The following CDC42BPB variants were observed in gnomAD, a reference collection of about 807,000 sequenced individuals.
CDC42BPB encodes serine/threonine-protein kinase MRCK beta.
Under a neutral mutation model 214.9 loss-of-function variants are expected in CDC42BPB, and 37 were observed. The ratio of observed to expected loss-of-function variants is 0.17; its 90% CI spans 0.13 to 0.23. The LOEUF is 0.23. CDC42BPB is among the 10% of genes least tolerant of loss of function. The probability of loss-of-function intolerance (pLI) is 1.00; values close to 1 mark genes in which losing one functional copy is unlikely to be tolerated. For synonymous variants in CDC42BPB, 931 were observed against 884.0 expected (o/e 1.05, Z -0.94); for missense variants, 1,694 against 2,227.0 (o/e 0.76, Z 4.82).
Position 102,986,600 on chromosome 14 carries a change from A to T in CDC42BPB, c.597-20T>A. 1 of 1,610,368 alleles carries T rather than the reference A, an allele frequency of 6.2e-7. No individual in the cohort carries two copies. The highest frequency in any genetic ancestry group is 2.2e-5 in the East Asian group (1 of 44,850). ...ATGTCTCTGTTTGTAAAATAAACAC[A>T]CAAATTAACCATCTCCATGCAACAC... On this transcript the variant is annotated intron_variant, in intron 5 of 36. Transcript: ENST00000361246.
intron 36 of CDC42BPB, among the ~76,000 whole-genome samples, chr14:102,935,550 G>C (rs145839161): frequency 7.2e-5 from 11 of 152,278 alleles, no homozygotes; most frequent in Non-Finnish European, 8.8e-5. Flanking sequence ...AGCACTTTGG[G>C]AGGCCAAGGC....
At chr14:102,964,808 A>T in intron 18 of CDC42BPB, 158 bp from the exon 19 acceptor site, 1 of 976,892 alleles carries the variant, frequency 1.0e-6, no homozygotes, top group South Asian at 4.7e-5. Flanking sequence ...TTTAGTTTTG[A>T]TATTTTATGA....
rs747092497 is a variant in CDC42BPB at position 102,968,306 on chromosome 14, C to T, written c.2293G>A (p.Glu765Lys). The T allele has an allele frequency of 1.4e-5, 23 of 1,614,052 alleles. No individual in the cohort carries two copies. Among genetic ancestry groups the T allele is most frequent in the Non-Finnish European group, 1.9e-5 (23 of 1,179,994 alleles). ...TTTTCATCAAACAGCATCGCTCTTT[C>T]TCGTTCGTATTTATCTTTTATTGTA... Reference protein sequence around the residue: ...VGTIKDKYERERAMLFDENKK... With the variant: ...VGTIKDKYERKRAMLFDENKK... Residue 765 changes from glutamate to lysine, a missense_variant, in exon 16 of 37, where the codon GAA becomes AAA. Glu to Lys is a moderately conservative substitution (Grantham distance 56). Around this residue, in one of 7 missense-constraint regions of CDC42BPB, gnomAD observed 462 missense variants for 513.5 expected, o/e 0.90. Transcript: ENST00000361246.
chr14:102,939,797 G>A, intron 33 of CDC42BPB, 33 bp downstream of exon 33: 1 of 1,614,028 alleles, frequency 6.2e-7, no homozygotes. Context: ...CCTAGAGCGA[G>A]GCCCAGCAGG....
At chr14:103,020,246 G>T (rs879627338) in intron 1 of CDC42BPB, among the ~76,000 whole-genome samples, 3 of 152,260 alleles carry the variant, frequency 2.0e-5, no homozygotes, top group Non-Finnish European at 4.4e-5. Context: ...TTTTACCAAT[G>T]AAGGTGAACA....
chr14:102,983,941 G>C (rs1432496474), intron 6 of CDC42BPB, 185 bp from the exon 7 acceptor site: 2 of 974,408 alleles, frequency 2.1e-6, no homozygotes, highest in Middle Eastern at 5.3e-4. Flanking sequence ...TGTAGCCTCA[G>C]CTACTTGGGA....
At position 102,950,507 on chromosome 14, in the gene CDC42BPB, C is replaced by A; in HGVS notation, c.3268G>T (p.Val1090Leu). ...TAGGCTGTTCCGATGCCTCGCTGCACGTCCACGCCCAGAGGCCTCTTGGAC... is the reference window on the plus strand; with the variant it reads ...TAGGCTGTTCCGATGCCTCGCTGCAAGTCCACGCCCAGAGGCCTCTTGGAC... Reference protein sequence around the residue: ...EQSKRPLGVDVQRGIGTAYKG... With the variant: ...EQSKRPLGVDLQRGIGTAYKG... The change falls in exon 25 of 37, where the codon GTG (valine) becomes TTG (leucine). Residue 1090 changes from valine to leucine, a missense_variant. Transcript: ENST00000361246. The A allele has an allele frequency of 1.2e-6, 2 of 1,613,296 alleles. No homozygotes were observed. Among genetic ancestry groups the A allele is most frequent in the Non-Finnish European group, 1.7e-6 (2 of 1,179,960 alleles).
Position 102,950,601 on chromosome 14 carries a change from C to T in CDC42BPB, c.3174G>A (p.Val1058=). The change falls in exon 25 of 37, where the codon GTG becomes GTA. Residue 1058 remains valine (V), a splice_region_variant and synonymous_variant. Coordinates refer to ENST00000361246, the MANE Select transcript of CDC42BPB (RefSeq NM_006035.4). ...AGGACACGTGGCAAGCAAAGGAACA[C>T]ACTGGAAGAGAGCAAGAACACTGCC... ...GLIRQGYACE[V]CSFACHVSCK... 2 of 1,579,126 alleles carry T rather than the reference C, an allele frequency of 1.3e-6. No homozygotes were observed. The highest frequency in any genetic ancestry group is 2.3e-5 in the East Asian group (1 of 44,124).
At chr14:102,972,303 G>T in intron 12 of CDC42BPB, 142 bp from the exon 13 acceptor site, 1 of 1,489,360 alleles carries the variant, frequency 6.7e-7, no homozygotes, top group Non-Finnish European at 8.9e-7. Flanking sequence ...TGAGCTGCTT[G>T]GAAAAAGACC....
intron 1 of CDC42BPB, among the ~76,000 whole-genome samples, chr14:103,037,202 A>C (rs1028016383): frequency 6.6e-6 from 1 of 152,250 alleles, no homozygotes; most frequent in African/African-American, 2.4e-5. Flanking sequence ...AAAAGCAAGA[A>C]AGACAATTAT....
intron 1 of CDC42BPB, 155 bp from the exon 2 acceptor site, chr14:103,012,343 C>G: frequency 1.0e-6 from 1 of 964,174 alleles, no homozygotes; most frequent in Non-Finnish European, 1.2e-6. Context: ...AGCACTTATA[C>G]CAATGGACAC....
Position 102,950,381 on chromosome 14 carries a change from C to T in CDC42BPB, c.3309+85G>A, listed in dbSNP as rs952468126. ...CAGGGCCACCTGCCGCAGCAAGGGG[C>T]TGCTTTCAAGAGTGGCTGGGCATGG... On this transcript the variant is annotated intron_variant, in intron 25 of 36. Coordinates refer to ENST00000361246, the MANE Select transcript of CDC42BPB (RefSeq NM_006035.4). 21 of 1,536,466 alleles carry T rather than the reference C, an allele frequency of 1.4e-5. No individual in the cohort carries two copies. In the African/African-American group the frequency reaches 2.0e-4, roughly 15 times the overall value.
intron 36 of CDC42BPB, among the ~76,000 whole-genome samples, chr14:102,936,209 CAT>C (rs1343560918): frequency 6.6e-6 from 1 of 152,166 alleles, no homozygotes; most frequent in African/African-American, 2.4e-5. Context: ...AAAAGTTAAA[CAT>C]AGAATTACCA....
chr14:102,948,620 T>C (rs1471970461), intron 26 of CDC42BPB, among the ~76,000 whole-genome samples: 1 of 27,884 alleles, frequency 3.6e-5, no homozygotes, highest in African/African-American at 1.5e-4. Context: ...GGTGGGGGGG[T>C]GGCTGTGGAG....
At position 103,001,495 on chromosome 14, in the gene CDC42BPB, T is replaced by C. The variant is rs1259406009; in HGVS notation, c.448-1782A>G. Among the ~76,000 whole-genome samples, 1 of 151,920 alleles carries C rather than the reference T, an allele frequency of 6.6e-6. No individual in the cohort carries two copies. The highest frequency in any genetic ancestry group is 1.5e-5 in the Non-Finnish European group (1 of 67,954). On this transcript the variant is annotated intron_variant, in intron 4 of 36. Transcript: ENST00000361246. This position sits in a 1 kb window ranked among gnomAD's most constrained non-coding sequence, Gnocchi z 5.8. ...GATGAAGGGGTGCGTGCAAAGCGGC[T>C]AGGAGGAAAGTGGCAGCGGCACCCT... is the stretch of plus-strand genomic sequence containing the variant.
At chr14:103,046,596 T>C (rs922925934) in intron 1 of CDC42BPB, among the ~76,000 whole-genome samples, 2 of 152,264 alleles carry the variant, frequency 1.3e-5, no homozygotes, top group Non-Finnish European at 2.9e-5. Context: ...AAGAAATGTG[T>C]CTAAAACGCA....
chr14:102,969,770 A>G (rs937227995), intron 14 of CDC42BPB, among the ~76,000 whole-genome samples: 8 of 152,370 alleles, frequency 5.3e-5, no homozygotes, highest in African/African-American at 1.7e-4. Context: ...TTCCCCAGTC[A>G]GCAGCAGGCT....
Position 103,057,015 on chromosome 14 carries a change from G to A in CDC42BPB, c.159C>T (p.Ala53=). Residue 53 remains alanine, a synonymous_variant, in exon 1 of 37, where the codon GCC becomes GCT. Transcript: ENST00000361246. The part of the protein sequence containing the change: ...HSALRRDKYV[A]EFLEWAKPFT... Reference sequence around the variant, plus strand: ...CGCACTTACCCCACTCGAGGAACTCGGCCACGTACTTGTCGCGGCGCAGGG... The same window carrying A: ...CGCACTTACCCCACTCGAGGAACTCAGCCACGTACTTGTCGCGGCGCAGGG... The A allele has an allele frequency of 1.4e-6, 2 of 1,480,462 alleles. No individual in the cohort carries two copies. The highest frequency in any genetic ancestry group is 1.3e-5 in the South Asian group (1 of 78,032). 91.7% of individuals were successfully genotyped at this position (1,480,462 alleles called of 1,614,324 possible).
At chr14:103,035,087 G>A (rs551973820) in intron 1 of CDC42BPB, among the ~76,000 whole-genome samples, 16 of 149,932 alleles carry the variant, frequency 1.1e-4, no homozygotes, top group Admixed American at 2.0e-4. Flanking sequence ...ACGGAGTTTC[G>A]CTTTTGTTGC....
Sources: allele counts gnomAD v4.1 joint callset (sites outside exome capture counted in the v4.1 genomes callset), GRCh38; gene constraint gnomAD v4.1.1; regional missense constraint gnomAD v4.1.1; non-coding constraint Gnocchi (gnomAD v3.1); transcripts MANE v1.5; gene names NCBI Gene and HGNC (gene_info 2026-07-23, HGNC 2026-07-21).